CCDC172: variants seen among roughly 807,000 people sequenced by gnomAD.
CCDC172 encodes the protein coiled-coil domain-containing protein 172.
Under a neutral mutation model 38.0 loss-of-function variants are expected in CCDC172, and 30 were observed. The observed-to-expected ratio is 0.79, with a 90% CI of 0.59 to 1.07. The LOEUF is 1.07. Ranked by LOEUF, CCDC172 falls within the 50% of genes least tolerant of loss-of-function variation. The pLI is 0.00. For synonymous variants in CCDC172, 78 were observed against 88.3 expected (o/e 0.88, Z 0.66); for missense variants, 297 against 290.1 (o/e 1.02, Z -0.17).
intron 7 of CCDC172, among the ~76,000 whole-genome samples, chr10:116,366,288 C>T (rs974237684): frequency 4.6e-5 from 7 of 152,022 alleles, no homozygotes; most frequent in African/African-American, 1.4e-4. Flanking sequence ...CCTTCATTAC[C>T]CCAGATATCG....
At chr10:116,326,720 T>G (rs1844597679) in intron 3 of CCDC172, among the ~76,000 whole-genome samples, 1 of 151,890 alleles carries the variant, frequency 6.6e-6, no homozygotes, top group Non-Finnish European at 1.5e-5. Context: ...GTATCTGGAA[T>G]TTTTTTCCTT....
chr10:116,328,362 A>G (rs1268187534), intron 3 of CCDC172, among the ~76,000 whole-genome samples: 1 of 152,100 alleles, frequency 6.6e-6, no homozygotes, highest in Non-Finnish European at 1.5e-5. Context: ...TACATCCAAA[A>G]CTTCTGATAG....
intron 7 of CCDC172, among the ~76,000 whole-genome samples, chr10:116,366,450 A>G (rs1845123816): frequency 6.6e-6 from 1 of 152,162 alleles, no homozygotes; most frequent in Admixed American, 6.5e-5. Context: ...TACATGCACA[A>G]TCTATTGGTT....
chr10:116,360,977 G>A (rs1160365533), intron 7 of CCDC172, among the ~76,000 whole-genome samples: 2 of 151,678 alleles, frequency 1.3e-5, no homozygotes, highest in East Asian at 3.9e-4. Flanking sequence ...TGATTGGGCA[G>A]ATTTCAGGCA....
At chr10:116,361,905 C>T (rs938883636) in intron 7 of CCDC172, among the ~76,000 whole-genome samples, 2 of 152,034 alleles carry the variant, frequency 1.3e-5, no homozygotes, top group Admixed American at 6.6e-5. Context: ...TGAGAACAGG[C>T]GGGCCAGGTG....
chr10:116,340,107 T>C (rs1250260822), intron 3 of CCDC172, among the ~76,000 whole-genome samples: 1 of 151,946 alleles, frequency 6.6e-6, no homozygotes, highest in African/African-American at 2.4e-5. Context: ...TGTTATTTTT[T>C]AAGTTCCAAA....
chr10:116,347,344 G>T (rs1490978281), intron 5 of CCDC172, among the ~76,000 whole-genome samples: 2 of 152,154 alleles, frequency 1.3e-5, no homozygotes, highest in Non-Finnish European at 2.9e-5. Context: ...CTGTCAACTA[G>T]AATAAGGACT....
chr10:116,350,067 A>C (rs1844912767), intron 5 of CCDC172, among the ~76,000 whole-genome samples: 1 of 152,206 alleles, frequency 6.6e-6, no homozygotes, highest in Admixed American at 6.5e-5. Flanking sequence ...GCAGAGCCTA[A>C]GGCATTTAGA....
Position 116,340,721 on chromosome 10 carries a change from T to C in CCDC172, c.166-13T>C, listed in dbSNP as rs753826983. The C allele has an allele frequency of 7.7e-7, 1 of 1,297,946 alleles. No individual in the cohort carries two copies. The highest frequency in any genetic ancestry group is 1.1e-6 in the Non-Finnish European group (1 of 906,448). 80.4% of individuals were successfully genotyped at this position (1,297,946 alleles called of 1,614,324 possible). A position where few individuals can be genotyped will look rare whatever the true frequency, so the allele number is the denominator to read the frequency against. On this transcript the variant is annotated splice_polypyrimidine_tract_variant and intron_variant, in intron 3 of 8. Coordinates refer to ENST00000333254, the MANE Select transcript of CCDC172 (RefSeq NM_198515.3). ...AATTGTTTTATTCTGATTTCTGTTT[T>C]TGTACTTTGAAGGTTCAACAGTTTT...
At position 116,351,232 on chromosome 10, in the gene CCDC172, A is replaced by G. The variant is rs1219298629; in HGVS notation, c.449-6148A>G. ...TTGTATCTTTTTTAATCTGTTGAAT[A>G]TTGTGTTATGGTATCCTGGATTCCC... On this transcript the variant is annotated intron_variant, in intron 5 of 8. Coordinates refer to ENST00000333254, the MANE Select transcript of CCDC172 (RefSeq NM_198515.3). Among the ~76,000 whole-genome samples, 3 of 152,230 alleles carry G rather than the reference A, an allele frequency of 2.0e-5. No individual in the cohort carries two copies. The East Asian group carries it at 5.8e-4, about 29-fold the overall frequency.
intron 7 of CCDC172, among the ~76,000 whole-genome samples, chr10:116,377,905 G>T (rs1393973634): frequency 1.3e-5 from 2 of 152,130 alleles, no homozygotes; most frequent in Non-Finnish European, 2.9e-5. Flanking sequence ...TGTCAGCTGG[G>T]CGTGGTGGCT....
chr10:116,373,953 C>T (rs1266836645), intron 7 of CCDC172, among the ~76,000 whole-genome samples: 1 of 152,164 alleles, frequency 6.6e-6, no homozygotes, highest in Non-Finnish European at 1.5e-5. Context: ...CCCACATTCA[C>T]CCATGATTCC....
At chr10:116,372,483 C>T (rs1293812169) in intron 7 of CCDC172, among the ~76,000 whole-genome samples, 1 of 152,074 alleles carries the variant, frequency 6.6e-6, no homozygotes, top group Non-Finnish European at 1.5e-5. Context: ...CCAGCCCCAG[C>T]CCCTGATCTG....
rs540288731 is a variant in CCDC172, at chr10:116,361,745, T to A, written c.653+3807T>A. Among the ~76,000 whole-genome samples the A allele has an allele frequency of 2.6e-5, 4 of 152,330 alleles. No individual in the cohort carries two copies. In the South Asian group the frequency reaches 8.3e-4, roughly 32 times the overall value. ...TGCTGTGACCTCTTCAGTGAAAAAG[T>A]CATCTAGTTAAGTTGGTCATAGAGG... is the stretch of plus-strand genomic sequence containing the variant. On this transcript the variant is annotated intron_variant, in intron 7 of 8. Coordinates refer to ENST00000333254, the MANE Select transcript of CCDC172 (RefSeq NM_198515.3).
rs772326316 is a variant in CCDC172 at position 116,325,096 on chromosome 10, G to A, written c.79+6G>A. The A allele has an allele frequency of 3.1e-6, 5 of 1,613,526 alleles. No homozygotes were observed. In the African/African-American group the frequency reaches 5.3e-5, roughly 17 times the overall value. On this transcript the variant is annotated splice_donor_region_variant and intron_variant, in intron 2 of 8. Coordinates refer to ENST00000333254, the MANE Select transcript of CCDC172 (RefSeq NM_198515.3). ...TCGCCGTTTGATGCGAGAAGGTCGG[G>A]GTATTTCTGTCCTTTGCATGGGGCC...
At chr10:116,343,556 C>T (rs532464128) in intron 5 of CCDC172, among the ~76,000 whole-genome samples, 23 of 147,016 alleles carry the variant, frequency 1.6e-4, no homozygotes, top group Non-Finnish European at 2.8e-4. Context: ...TAAAAGATAG[C>T]TTGCATTTGC....
At chr10:116,337,135 G>C (rs550802850) in intron 3 of CCDC172, among the ~76,000 whole-genome samples, 1 of 149,242 alleles carries the variant, frequency 6.7e-6, no homozygotes, top group South Asian at 2.2e-4. Flanking sequence ...TTCTGACAAA[G>C]CTTGGCTATG....
At chr10:116,372,197 G>A (rs183488085) in intron 7 of CCDC172, among the ~76,000 whole-genome samples, 24 of 151,930 alleles carry the variant, frequency 1.6e-4, no homozygotes, top group South Asian at 4.2e-4. Context: ...TTTGGTTTTC[G>A]TATTGAGAGG....
intron 7 of CCDC172, among the ~76,000 whole-genome samples, chr10:116,377,010 C>T (rs72839543): frequency 4.3e-4 from 66 of 151,738 alleles, no homozygotes; most frequent in Non-Finnish European, 8.4e-4. Context: ...AAAGAAAAAC[C>T]GAAAATACAA....
Sources: gnomAD v4.1 joint callset for allele counts (sites outside exome capture counted in the v4.1 genomes callset) on GRCh38, gnomAD v4.1.1 for gene constraint, MANE v1.5 for transcripts, NCBI Gene and HGNC (gene_info 2026-07-23, HGNC 2026-07-21) for gene names.